PLPP4: variants seen among roughly 807,000 people sequenced by gnomAD.
The protein encoded by PLPP4 is phospholipid phosphatase 4, also known as diacylglycerol pyrophosphate like 2.
PLPP4 carries 20 observed loss-of-function variants against 32.2 expected under a neutral mutation model. That is an observed-to-expected ratio of 0.62 (90% confidence interval 0.44 to 0.90). The LOEUF (loss-of-function observed/expected upper bound fraction) is 0.90, where lower values mean the gene tolerates loss of function less well. Ranked by LOEUF, PLPP4 falls within the 40% of genes least tolerant of loss-of-function variation. PLPP4 has a pLI of 0.00. For synonymous variants in PLPP4, 127 were observed against 133.0 expected (o/e 0.95, Z 0.31); for missense variants, 257 against 353.1 (o/e 0.73, Z 2.18).
At chr10:120,501,627 G>A (rs1159203073) in intron 1 of PLPP4, among the ~76,000 whole-genome samples, 1 of 152,222 alleles carries the variant, frequency 6.6e-6, no homozygotes, top group Non-Finnish European at 1.5e-5. Flanking sequence ...CTGTCCTGCA[G>A]TGGCTGGAAG....
chr10:120,578,592 G>A (rs996844401), intron 6 of PLPP4, among the ~76,000 whole-genome samples: 2 of 152,268 alleles, frequency 1.3e-5, no homozygotes, highest in African/African-American at 4.8e-5. Flanking sequence ...AATCTCTAAT[G>A]ACTCTCTCTC....
intron 1 of PLPP4, among the ~76,000 whole-genome samples, 199 bp downstream of exon 1, chr10:120,457,560 G>A (rs546384496): frequency 6.6e-6 from 1 of 152,024 alleles, no homozygotes; most frequent in South Asian, 2.1e-4. Context: ...CCCTAGGCGC[G>A]GAGCGACCAC....
At position 120,575,145 on chromosome 10, in the gene PLPP4, C is replaced by G. The variant is rs761621701; in HGVS notation, c.460C>G (p.Leu154Val). The change falls in exon 6 of 7, where the codon CTT (leucine) becomes GTT (valine). Residue 154 changes from leucine (L) to valine (V), a missense_variant. Coordinates refer to ENST00000398250, the MANE Select transcript of PLPP4 (RefSeq NM_001030059.3). ...SIHSSFAFSG[L>V]GFTTFYLAGK... ...CTGTTTGGCAGTTGCCTTTTCGGGC[C>G]TTGGCTTCACGACGTTCTACTTGGC... The G allele has an allele frequency of 6.2e-7, 1 of 1,613,164 alleles. No individual in the cohort carries two copies. The highest frequency in any genetic ancestry group is 1.1e-5 in the South Asian group (1 of 91,044).
chr10:120,517,022 T>C (rs1435559412), intron 3 of PLPP4, among the ~76,000 whole-genome samples: 2 of 152,204 alleles, frequency 1.3e-5, no homozygotes, highest in Non-Finnish European at 2.9e-5. Context: ...ATCATATCCA[T>C]ACATTTTCCA....
At chr10:120,533,208 C>T (rs1164343461) in intron 5 of PLPP4, among the ~76,000 whole-genome samples, 1 of 152,076 alleles carries the variant, frequency 6.6e-6, no homozygotes, top group Non-Finnish European at 1.5e-5. Flanking sequence ...TATAGCCATG[C>T]TAATTGGTGT....
intron 1 of PLPP4, among the ~76,000 whole-genome samples, chr10:120,499,417 T>C (rs1226783037): frequency 6.6e-6 from 1 of 152,134 alleles, no homozygotes; most frequent in Non-Finnish European, 1.5e-5. Context: ...GCTTTTTTTT[T>C]TTTTTAAATG....
intron 5 of PLPP4, among the ~76,000 whole-genome samples, chr10:120,539,371 CAA>C (rs1273052342): frequency 3.3e-5 from 5 of 152,162 alleles, no homozygotes; most frequent in Admixed American, 6.5e-5. Context: ...AAATGCCTGT[CAA>C]AGAAGGTCTG....
Position 120,563,657 on chromosome 10 carries a change from G to A in PLPP4, c.446-11474G>A, listed in dbSNP as rs368867087. Among the ~76,000 whole-genome samples the A allele has an allele frequency of 2.1e-3, 313 of 148,116 alleles. 7 individuals carry two copies. The highest frequency in any genetic ancestry group is 7.8e-3 in the African/African-American group (307 of 39,586). On this transcript the variant is annotated intron_variant, in intron 5 of 6. Transcript: ENST00000398250. ...CTACTAAAAATACAAAAAATTAGCC[G>A]GGCGCGGTGGCGGGCGCCTGTAGTC... is the stretch of plus-strand genomic sequence containing the variant.
At position 120,591,243 on chromosome 10, in the gene PLPP4, C is replaced by T. The variant is rs183389490; in HGVS notation, c.*1741C>T. The stretch of plus-strand genomic sequence containing the variant: ...TGGGCTTAAGCTTGGAGTGCATGTA[C>T]CACTGACTATGCTCCATGAGCCCCA... On this transcript the variant is annotated 3_prime_UTR_variant, in exon 7 of 7. Transcript: ENST00000398250. Among the ~76,000 whole-genome samples, 3 of 152,270 alleles carry T rather than the reference C, an allele frequency of 2.0e-5. No homozygotes were observed. The East Asian group carries it at 5.8e-4, about 29-fold the overall frequency.
chr10:120,512,167 C>T (rs1208977031), intron 2 of PLPP4, among the ~76,000 whole-genome samples: 1 of 152,146 alleles, frequency 6.6e-6, no homozygotes, highest in Non-Finnish European at 1.5e-5. Flanking sequence ...TTCAACAAGC[C>T]GTGTAGTTAT....
intron 5 of PLPP4, among the ~76,000 whole-genome samples, chr10:120,541,138 T>C (rs1422578962): frequency 6.6e-6 from 1 of 152,238 alleles, no homozygotes; most frequent in Non-Finnish European, 1.5e-5. Context: ...TAAATTGAGT[T>C]ACTTCGTATT....
Position 120,581,098 on chromosome 10 carries a change from C to T in PLPP4, c.616+5797C>T, listed in dbSNP as rs1564856102. ...GTCCACTGCATATCCTGCTTTCAGC[C>T]TCAAGAGAGGCATTCTCAGTCAGGA... On this transcript the variant is annotated intron_variant, in intron 6 of 6. Coordinates refer to ENST00000398250, the MANE Select transcript of PLPP4 (RefSeq NM_001030059.3). The T allele has an allele frequency of 1.1e-5, 14 of 1,247,022 alleles. No individual in the cohort carries two copies. The South Asian group carries it at 1.8e-4, about 16-fold the overall frequency. The allele number at this position is 1,247,022 out of a possible 1,614,324, so 77.2% of individuals were successfully genotyped here.
At chr10:120,581,174 T>C (rs1344623305) in intron 6 of PLPP4, 2 of 985,454 alleles carry the variant, frequency 2.0e-6, no homozygotes, top group Admixed American at 6.1e-5. Context: ...CCCCGTGATG[T>C]AATTCCCAGG....
chr10:120,479,888 A>G (rs1047347195), intron 1 of PLPP4, among the ~76,000 whole-genome samples: 1 of 152,116 alleles, frequency 6.6e-6, no homozygotes, highest in Admixed American at 6.5e-5. Flanking sequence ...GGTTGTAATT[A>G]TTTTGGTTTG....
chr10:120,472,594 T>C (rs2133796860), intron 1 of PLPP4, among the ~76,000 whole-genome samples: 1 of 152,294 alleles, frequency 6.6e-6, no homozygotes, highest in South Asian at 2.1e-4. Flanking sequence ...TTTCTTTTCA[T>C]TGAGATTATT....
intron 1 of PLPP4, among the ~76,000 whole-genome samples, chr10:120,475,491 A>G (rs1017809986): frequency 1.3e-5 from 2 of 152,192 alleles, no homozygotes; most frequent in African/African-American, 4.8e-5. Flanking sequence ...TGGGGCAGCT[A>G]CTTGGGAGAG....
chr10:120,473,103 T>G (rs1194923698), intron 1 of PLPP4, among the ~76,000 whole-genome samples: 1 of 152,202 alleles, frequency 6.6e-6, no homozygotes, highest in Non-Finnish European at 1.5e-5. Context: ...CTCTGTTGAT[T>G]GTGGGTCACA....
chr10:120,528,485 G>T (rs1375693078), intron 5 of PLPP4, among the ~76,000 whole-genome samples: 1 of 152,132 alleles, frequency 6.6e-6, no homozygotes, highest in South Asian at 2.1e-4. Context: ...AACTTGTATG[G>T]TTTCTCTTAT....
At chr10:120,481,428 T>C (rs1844201222) in intron 1 of PLPP4, among the ~76,000 whole-genome samples, 1 of 152,188 alleles carries the variant, frequency 6.6e-6, no homozygotes, top group Non-Finnish European at 1.5e-5. Flanking sequence ...GCTCCAACCA[T>C]CTATGTACTG....
Sources: gnomAD v4.1 joint callset for allele counts (sites outside exome capture counted in the v4.1 genomes callset) on GRCh38, gnomAD v4.1.1 for gene constraint, MANE v1.5 for transcripts, NCBI Gene and HGNC (gene_info 2026-07-23, HGNC 2026-07-21) for gene names.